Variants in SLC35F3 observed in about 807,000 individuals in gnomAD.
SLC35F3 encodes the protein solute carrier family 35 member F3.
A neutral mutation model predicts 49.9 loss-of-function variants in SLC35F3; 25 were observed. The ratio of observed to expected loss-of-function variants is 0.50; its 90% CI spans 0.37 to 0.70. SLC35F3 has a LOEUF of 0.70. SLC35F3 is among the 30% of genes least tolerant of loss of function. The pLI is 0.00. For missense variants in SLC35F3, 525 were observed against 639.8 expected, an observed-to-expected ratio of 0.82 and a Z score of 1.94; for synonymous variants, 275 against 265.4, an observed-to-expected ratio of 1.04 and a Z score of -0.35.
chr1:233,982,103 T>G (rs1663195369), intron 2 of SLC35F3, among the ~76,000 whole-genome samples: 1 of 152,142 alleles, frequency 6.6e-6, no homozygotes, highest in Admixed American at 6.5e-5. Flanking sequence ...TTTTAAATTT[T>G]TAGTAGAGAT....
At chr1:234,081,382 A>AC (rs1179080142) in intron 2 of SLC35F3, among the ~76,000 whole-genome samples, 1 of 152,190 alleles carries the variant, frequency 6.6e-6, no homozygotes, top group Non-Finnish European at 1.5e-5. Context: ...ATCATTGCAA[A>AC]CATTGTTTTT....
At chr1:234,207,397 TCCTC>T (rs763251292) in intron 2 of SLC35F3, among the ~76,000 whole-genome samples, 1 of 16,302 alleles carries the variant, frequency 6.1e-5, no homozygotes, top group Admixed American at 5.6e-4. Context: ...CATCCTTCCT[TCCTC>T]CCTCCCTCCT....
At chr1:234,166,265 C>T (rs927137950) in intron 2 of SLC35F3, among the ~76,000 whole-genome samples, 5 of 152,108 alleles carry the variant, frequency 3.3e-5, no homozygotes, top group African/African-American at 9.7e-5. Flanking sequence ...TGTCAACATC[C>T]CCCACCAGAG....
At chr1:234,271,690 T>C (rs976975691) in intron 3 of SLC35F3, among the ~76,000 whole-genome samples, 2 of 152,250 alleles carry the variant, frequency 1.3e-5, no homozygotes, top group African/African-American at 4.8e-5. Context: ...GGTTTTATCA[T>C]ATCATGAATA....
intron 2 of SLC35F3, among the ~76,000 whole-genome samples, chr1:233,934,015 G>A (rs1662287436): frequency 6.6e-6 from 1 of 152,220 alleles, no homozygotes. Context: ...AGCACAAATA[G>A]TCTAGAGTTT....
At chr1:234,146,188 T>G (rs891570887) in intron 2 of SLC35F3, among the ~76,000 whole-genome samples, 2 of 152,076 alleles carry the variant, frequency 1.3e-5, no homozygotes, top group African/African-American at 4.8e-5. Flanking sequence ...ATTTTTTGTC[T>G]CTCCTGAATT....
At chr1:234,234,377 C>T (rs1006347802) in intron 3 of SLC35F3, among the ~76,000 whole-genome samples, 3 of 152,116 alleles carry the variant, frequency 2.0e-5, no homozygotes, top group African/African-American at 7.2e-5. Context: ...AAGCCGGAGC[C>T]GAGAGAGGAA....
chr1:234,154,010 C>G (rs565974677), intron 2 of SLC35F3, among the ~76,000 whole-genome samples: 1 of 149,372 alleles, frequency 6.7e-6, no homozygotes, highest in Non-Finnish European at 1.5e-5. Flanking sequence ...TGCAGTGAGC[C>G]GAGATCACAC....
chr1:234,002,554 C>T (rs932132860), intron 2 of SLC35F3, among the ~76,000 whole-genome samples: 1 of 152,064 alleles, frequency 6.6e-6, no homozygotes, highest in Non-Finnish European at 1.5e-5. Context: ...CCTCAAAGGC[C>T]ACGTTTATGA....
intron 2 of SLC35F3, among the ~76,000 whole-genome samples, chr1:234,152,493 C>G (rs1319512849): frequency 2.0e-5 from 3 of 151,970 alleles, no homozygotes; most frequent in African/African-American, 4.8e-5. Flanking sequence ...TTTTCTGTTC[C>G]TGTGTTAGCT....
intron 3 of SLC35F3, among the ~76,000 whole-genome samples, chr1:234,269,738 T>G (rs1668068043): frequency 6.6e-6 from 1 of 152,210 alleles, no homozygotes; most frequent in South Asian, 2.1e-4. Context: ...TTAGTTCCCA[T>G]GAATAGAACC....
At chr1:234,012,996 C>T (rs1248569989) in intron 2 of SLC35F3, among the ~76,000 whole-genome samples, 4 of 152,256 alleles carry the variant, frequency 2.6e-5, no homozygotes, top group Middle Eastern at 3.4e-3. Flanking sequence ...CTAAAAGACA[C>T]GTACAGAACA....
At chr1:234,322,702 TCTC>T (rs1023088868) in intron 7 of SLC35F3, among the ~76,000 whole-genome samples, 6 of 149,590 alleles carry the variant, frequency 4.0e-5, no homozygotes, top group South Asian at 2.1e-4. Flanking sequence ...CTATCTCTCA[TCTC>T]CTCAACTGCC....
At chr1:234,183,022 T>A (rs1666585966) in intron 2 of SLC35F3, among the ~76,000 whole-genome samples, 1 of 142,952 alleles carries the variant, frequency 7.0e-6, no homozygotes, top group South Asian at 2.4e-4. Flanking sequence ...AGACTTTTTG[T>A]TTGTTTGTTT....
chr1:234,010,293 G>A (rs1663695646), intron 2 of SLC35F3, among the ~76,000 whole-genome samples: 1 of 152,084 alleles, frequency 6.6e-6, no homozygotes, highest in Admixed American at 6.5e-5. Context: ...GAAATACCTG[G>A]TTATAAGATG....
intron 2 of SLC35F3, among the ~76,000 whole-genome samples, chr1:234,016,037 T>C (rs535287416): frequency 1.1e-4 from 16 of 152,316 alleles, no homozygotes; most frequent in African/African-American, 3.6e-4. Context: ...CCAAGAGATA[T>C]GTTTTAAAAA....
At chr1:234,210,558 G>A (rs1370350317) in intron 2 of SLC35F3, among the ~76,000 whole-genome samples, 1 of 152,224 alleles carries the variant, frequency 6.6e-6, no homozygotes, top group Non-Finnish European at 1.5e-5. Flanking sequence ...GGGAACTGGA[G>A]CAAAGGTGAC....
At chr1:234,108,361 TATG>T (rs1665323319) in intron 2 of SLC35F3, among the ~76,000 whole-genome samples, 1 of 113,294 alleles carries the variant, frequency 8.8e-6, no homozygotes, top group Non-Finnish European at 1.7e-5. Context: ...TATTTATATA[TATG>T]ATATATATTA....
intron 3 of SLC35F3, among the ~76,000 whole-genome samples, chr1:234,281,543 TAAG>T (rs1394432808): frequency 6.6e-6 from 1 of 152,174 alleles, no homozygotes; most frequent in Non-Finnish European, 1.5e-5. Context: ...AACAGTGATG[TAAG>T]AAGATGTTAA....
Sources: gnomAD v4.1 joint callset for allele counts (sites outside exome capture counted in the v4.1 genomes callset) on GRCh38, gnomAD v4.1.1 for gene constraint, MANE v1.5 for transcripts, NCBI Gene and HGNC (gene_info 2026-07-23, HGNC 2026-07-21) for gene names.